Variants in MAGI1 observed in about 807,000 individuals in gnomAD.
The protein encoded by MAGI1 is membrane-associated guanylate kinase, WW and PDZ domain-containing protein 1.
MAGI1 carries 58 observed loss-of-function variants against 139.9 expected under a neutral mutation model. That is an observed-to-expected ratio of 0.41 (90% CI 0.34 to 0.52). The LOEUF (loss-of-function observed/expected upper bound fraction) is 0.52. Among genes scored for constraint, MAGI1 ranks in the 20% least tolerant of loss-of-function variants. The pLI, the probability that MAGI1 is intolerant of heterozygous loss-of-function variation, is 0.12. For missense variants in MAGI1, 1,874 were observed against 1,901.6 expected, an observed-to-expected ratio of 0.99 and a Z score of 0.27; for synonymous variants, 812 against 737.9, an observed-to-expected ratio of 1.10 and a Z score of -1.63.
intron 1 of MAGI1, among the ~76,000 whole-genome samples, chr3:65,853,436 G>T (rs1005368941): frequency 6.6e-5 from 10 of 152,288 alleles, no homozygotes; most frequent in Admixed American, 2.0e-4. Flanking sequence ...CATACTTTGT[G>T]CTGACGAAAT....
intron 2 of MAGI1, chr3:65,597,855 T>C: frequency 2.2e-6 from 1 of 453,456 alleles, no homozygotes; most frequent in South Asian, 1.6e-5. Context: ...ATCCTTCCCT[T>C]TGTGAGCCTG....
intron 12 of MAGI1, among the ~76,000 whole-genome samples, chr3:65,412,717 G>A (rs1945887892): frequency 6.6e-6 from 1 of 152,150 alleles, no homozygotes; most frequent in Non-Finnish European, 1.5e-5. Context: ...TGCAGTGACT[G>A]TTTAACAGCT....
At chr3:65,456,826 T>C (rs1445753435) in intron 5 of MAGI1, among the ~76,000 whole-genome samples, 1 of 152,158 alleles carries the variant, frequency 6.6e-6, no homozygotes, top group African/African-American at 2.4e-5. Flanking sequence ...TTGTAAAAAA[T>C]CAGTTGGGCA....
intron 1 of MAGI1, among the ~76,000 whole-genome samples, chr3:66,012,247 A>G (rs2067360843): frequency 6.6e-6 from 1 of 152,200 alleles, no homozygotes; most frequent in Non-Finnish European, 1.5e-5. Flanking sequence ...CAAGTTATCA[A>G]GTAACATCTT....
intron 2 of MAGI1, among the ~76,000 whole-genome samples, chr3:65,515,936 C>T (rs2077851369): frequency 1.3e-5 from 2 of 152,216 alleles, no homozygotes; most frequent in South Asian, 4.1e-4. Flanking sequence ...GAAGGCAGTA[C>T]TGACTGATGC....
At chr3:65,526,585 A>G (rs998742518) in intron 2 of MAGI1, among the ~76,000 whole-genome samples, 3 of 152,242 alleles carry the variant, frequency 2.0e-5, no homozygotes, top group Non-Finnish European at 4.4e-5. Flanking sequence ...AATTACCTTA[A>G]TAACACATTG....
intron 1 of MAGI1, among the ~76,000 whole-genome samples, chr3:65,808,970 C>T (rs113955502): frequency 1.3e-5 from 2 of 152,198 alleles, no homozygotes; most frequent in East Asian, 3.9e-4. Context: ...GGGAGATTTA[C>T]GCTGGGAAAA....
intron 1 of MAGI1, among the ~76,000 whole-genome samples, chr3:65,754,060 T>C (rs2036373573): frequency 6.6e-6 from 1 of 152,176 alleles, no homozygotes; most frequent in Non-Finnish European, 1.5e-5. Context: ...ATCTTAGGGA[T>C]TCCCAAAGAA....
At chr3:65,793,941 C>T (rs1384522790) in intron 1 of MAGI1, among the ~76,000 whole-genome samples, 2 of 152,186 alleles carry the variant, frequency 1.3e-5, no homozygotes, top group Non-Finnish European at 2.9e-5. Context: ...AGTTATACAA[C>T]ATTCTCAATT....
intron 1 of MAGI1, among the ~76,000 whole-genome samples, chr3:65,634,726 T>A (rs1298258531): frequency 1.3e-5 from 2 of 152,144 alleles, no homozygotes; most frequent in African/African-American, 4.8e-5. Context: ...AGATCTGGAA[T>A]TTAAAAAAAT....
intron 6 of MAGI1, among the ~76,000 whole-genome samples, chr3:65,452,385 A>G (rs967906260): frequency 6.6e-6 from 1 of 152,202 alleles, no homozygotes; most frequent in Non-Finnish European, 1.5e-5. Context: ...GACGAATAAT[A>G]AAGTTCTGTT....
chr3:65,810,733 C>T (rs1663637399), intron 1 of MAGI1, among the ~76,000 whole-genome samples: 1 of 152,218 alleles, frequency 6.6e-6, no homozygotes, highest in African/African-American at 2.4e-5. Flanking sequence ...CCACAAAATG[C>T]AAGGAGTAGA....
intron 1 of MAGI1, among the ~76,000 whole-genome samples, chr3:65,950,669 T>G (rs570899715): frequency 6.6e-6 from 1 of 152,092 alleles, no homozygotes; most frequent in Admixed American, 6.6e-5. Context: ...AATTTGTAAA[T>G]CCCTCTTCAA....
intron 1 of MAGI1, among the ~76,000 whole-genome samples, chr3:65,950,069 AAAAAAAAAC>A (rs1560045562): frequency 0.15 from 1,171 of 7,596 alleles, 82 homozygotes; most frequent in African/African-American, 0.22. Context: ...CAAAAAAACA[AAAAAAAAAC>A]AAAAAAAAAA....
chr3:65,799,791 G>A (rs1246938763), intron 1 of MAGI1, among the ~76,000 whole-genome samples: 1 of 152,004 alleles, frequency 6.6e-6, no homozygotes, highest in African/African-American at 2.4e-5. Context: ...ATTTATTTGG[G>A]CTGATGTTTC....
chr3:65,843,334 T>C lies in MAGI1; in HGVS notation c.313+194662A>G, dbSNP rs116603398. 4.7e-3 allele frequency among the ~76,000 whole-genome samples: 716 copies of C among 152,186 alleles called. 6 individuals are homozygous for C. Among genetic ancestry groups the C allele is most frequent in the African/African-American group, 0.015 (643 of 41,532 alleles). ...ATCCTGGGAGGAGATTCCCCCACCA[T>C]CCCAGGCAAGTTTTCAGATGAGACT... On this transcript the variant is annotated intron_variant, in intron 1 of 22. Coordinates refer to ENST00000402939, the MANE Select transcript of MAGI1 (RefSeq NM_001033057.2).
intron 1 of MAGI1, among the ~76,000 whole-genome samples, chr3:65,977,117 G>A (rs2065302665): frequency 6.6e-6 from 1 of 152,144 alleles, no homozygotes; most frequent in South Asian, 2.1e-4. Context: ...AAATGATTGT[G>A]ATGTTATAGG....
At chr3:65,909,106 C>T (rs762373174) in intron 1 of MAGI1, among the ~76,000 whole-genome samples, 1 of 152,096 alleles carries the variant, frequency 6.6e-6, no homozygotes, top group Non-Finnish European at 1.5e-5. Flanking sequence ...TTACCAGAAG[C>T]CTTTGCTCAC....
At chr3:65,797,411 T>A (rs1398405064) in intron 1 of MAGI1, among the ~76,000 whole-genome samples, 1 of 152,160 alleles carries the variant, frequency 6.6e-6, no homozygotes, top group Non-Finnish European at 1.5e-5. Context: ...ATTAAATAGA[T>A]TTAAAATGAG....
Sources: allele counts gnomAD v4.1 joint callset (sites outside exome capture counted in the v4.1 genomes callset), GRCh38; gene constraint gnomAD v4.1.1; transcripts MANE v1.5; gene names NCBI Gene and HGNC (gene_info 2026-07-23, HGNC 2026-07-21).